The following PGAP1 variants were observed in gnomAD, a reference collection of about 807,000 sequenced individuals.
The protein encoded by PGAP1 is GPI inositol-deacylase.
In PGAP1, 76 loss-of-function variants were observed where a neutral mutation model predicts 127.0. The ratio of observed to expected loss-of-function variants is 0.60; its 90% CI spans 0.50 to 0.72. PGAP1 has a LOEUF of 0.72. PGAP1 is among the 30% of genes least tolerant of loss of function. The pLI is 0.00. For synonymous variants in PGAP1, 362 were observed against 366.5 expected, an observed-to-expected ratio of 0.99 and a Z score of 0.14; for missense variants, 982 against 1,071.3, an observed-to-expected ratio of 0.92 and a Z score of 1.16.
chr2:196,877,348 G>A (rs1001003687), intron 13 of PGAP1, among the ~76,000 whole-genome samples: 3 of 152,034 alleles, frequency 2.0e-5, no homozygotes, highest in African/African-American at 7.2e-5. Flanking sequence ...GCTATACATA[G>A]ACATGCAAAA....
intron 12 of PGAP1, among the ~76,000 whole-genome samples, chr2:196,882,275 A>C (rs1701758728): frequency 1.3e-5 from 2 of 152,074 alleles, no homozygotes; most frequent in African/African-American, 2.4e-5. Context: ...TTTGAAGTCA[A>C]GTAGTGTGAT....
chr2:196,850,332 T>G (rs1179693169), intron 20 of PGAP1, among the ~76,000 whole-genome samples: 1 of 152,226 alleles, frequency 6.6e-6, no homozygotes, highest in Non-Finnish European at 1.5e-5. Flanking sequence ...ACTGACACAG[T>G]TGATGCAGCT....
chr2:196,898,526 C>A lies in PGAP1; in HGVS notation c.808-157G>T, dbSNP rs17199109. On this transcript the variant is annotated intron_variant, in intron 5 of 26. Transcript: ENST00000354764. The stretch of plus-strand genomic sequence containing the variant: ...AAATGATATTCTTATAAAAGGTGAT[C>A]CAAATATATTAGAATTTTCTGTATA... 0.1 allele frequency among the ~76,000 whole-genome samples: 15,523 copies of A among 152,068 alleles called. 961 individuals are homozygous for A. The highest frequency in any genetic ancestry group is 0.17 in the African/African-American group (7,178 of 41,480).
chr2:196,872,915 A>G (rs113941608), intron 17 of PGAP1, 45 bp downstream of exon 17: 14 of 714,730 alleles, frequency 2.0e-5, no homozygotes, highest in Non-Finnish European at 3.5e-5. Flanking sequence ...AATATCTATT[A>G]TTCAAAAACA....
Position 196,902,599 on chromosome 2 carries a change from C to T in PGAP1, c.793G>A (p.Ala265Thr). 6.2e-7 allele frequency: 1 copy of T among 1,611,086 alleles called. No homozygotes were observed. Among genetic ancestry groups the T allele is most frequent in the South Asian group, 1.1e-5 (1 of 90,244 alleles). Reference sequence around the variant, plus strand: ...AAAAAGATTACCACAACAGATAAGGCACTGGTATGATGGCTTAATTTTGGT... The same window carrying T: ...AAAAAGATTACCACAACAGATAAGGTACTGGTATGATGGCTTAATTTTGGT... ...FLPKLSHHTS[A>T]LSVVSSAVPK... is the part of the protein sequence containing the mutation. Residue 265 changes from alanine (A) to threonine (T), a missense_variant, in exon 5 of 27, where the codon GCC becomes ACC. Coordinates refer to ENST00000354764, the MANE Select transcript of PGAP1 (RefSeq NM_024989.4).
intron 4 of PGAP1, among the ~76,000 whole-genome samples, chr2:196,905,550 C>A (rs1365405286): frequency 6.6e-6 from 1 of 152,176 alleles, no homozygotes; most frequent in South Asian, 2.1e-4. Flanking sequence ...TCTCACTTAA[C>A]TACAAACAAA....
intron 1 of PGAP1, among the ~76,000 whole-genome samples, chr2:196,924,940 CT>C (rs1334141594): frequency 1.3e-5 from 2 of 152,156 alleles, no homozygotes; most frequent in African/African-American, 4.8e-5. Context: ...TAACCAAACT[CT>C]TCAATGCGGT....
chr2:196,861,369 C>T (rs79423037), intron 20 of PGAP1, among the ~76,000 whole-genome samples: 1 of 152,056 alleles, frequency 6.6e-6, no homozygotes, highest in Admixed American at 6.6e-5. Flanking sequence ...CAACAAACAA[C>T]AAAGTGAAGA....
At chr2:196,912,452 C>T (rs1382083408) in intron 4 of PGAP1, among the ~76,000 whole-genome samples, 4 of 151,646 alleles carry the variant, frequency 2.6e-5, no homozygotes, top group African/African-American at 7.3e-5. Context: ...CTGGGCAATA[C>T]GGCAAAAATC....
At chr2:196,903,026 CA>C (rs1481559795) in intron 4 of PGAP1, among the ~76,000 whole-genome samples, 2 of 152,030 alleles carry the variant, frequency 1.3e-5, no homozygotes, top group African/African-American at 2.4e-5. Flanking sequence ...CACATTTCTA[CA>C]TTCCACAAGG....
At chr2:196,877,012 C>G (rs1369318132) in intron 13 of PGAP1, among the ~76,000 whole-genome samples, 1 of 151,856 alleles carries the variant, frequency 6.6e-6, no homozygotes, top group Non-Finnish European at 1.5e-5. Context: ...TTGGATAAGC[C>G]TATATCAGAC....
rs1293571974 is a variant in PGAP1, at chr2:196,892,778, T to A, written c.1033+362A>T. Among the ~76,000 whole-genome samples, 3 of 152,172 alleles carry A rather than the reference T, an allele frequency of 2.0e-5. No homozygotes were observed. In the East Asian group the frequency reaches 5.8e-4, roughly 29 times the overall value. On this transcript the variant is annotated intron_variant, in intron 8 of 26. Coordinates refer to ENST00000354764, the MANE Select transcript of PGAP1 (RefSeq NM_024989.4). ...TTATCAGCAAAAGATATGTTGGTAA[T>A]CCAAAAGAAGAATGAAGAATAACTG...
chr2:196,867,349 A>G (rs1456035889), intron 19 of PGAP1, among the ~76,000 whole-genome samples: 1 of 152,220 alleles, frequency 6.6e-6, no homozygotes, highest in East Asian at 1.9e-4. Flanking sequence ...GCTGGAAATC[A>G]TCATTCTCAG....
intron 3 of PGAP1, among the ~76,000 whole-genome samples, chr2:196,915,091 G>C (rs541635878): frequency 6.6e-6 from 1 of 152,254 alleles, no homozygotes; most frequent in Admixed American, 6.5e-5. Flanking sequence ...TGACACAGTT[G>C]ATAACTTACT....
In PGAP1 at chr2:196,839,658, A is replaced by C. The variant is rs539707372; in HGVS notation, c.*1576T>G. 2.0e-5 allele frequency: 3 copies of C among 152,390 alleles called. No homozygotes were observed. The highest frequency in any genetic ancestry group is 4.1e-4 in the South Asian group (2 of 4,826). 9.4% of individuals were successfully genotyped at this position (152,390 alleles called of 1,614,324 possible). A position where few individuals can be genotyped will look rare whatever the true frequency, so the allele number is the denominator to read the frequency against. On this transcript the variant is annotated 3_prime_UTR_variant, in exon 27 of 27. Coordinates refer to ENST00000354764, the MANE Select transcript of PGAP1 (RefSeq NM_024989.4). ...AGAGATGAGAGCAAGACTCCCTTCAACTGAGGCCAAAATAGCCAGGACCTG... is the reference window on the plus strand; with the variant it reads ...AGAGATGAGAGCAAGACTCCCTTCACCTGAGGCCAAAATAGCCAGGACCTG...
At chr2:196,847,265 G>C in intron 21 of PGAP1, 65 bp from the exon 22 acceptor site, 1 of 1,238,760 alleles carries the variant, frequency 8.1e-7, no homozygotes, top group Non-Finnish European at 1.2e-6. Context: ...CTTAATATTT[G>C]AGGTGTCTGA....
At chr2:196,876,646 A>G (rs1701579095) in intron 13 of PGAP1, among the ~76,000 whole-genome samples, 1 of 152,134 alleles carries the variant, frequency 6.6e-6, no homozygotes, top group Non-Finnish European at 1.5e-5. Flanking sequence ...TCTGATGCAT[A>G]ACTGTAGCTA....
At chr2:196,878,660 C>T (rs558204233) in intron 13 of PGAP1, among the ~76,000 whole-genome samples, 33 of 152,316 alleles carry the variant, frequency 2.2e-4, no homozygotes, top group Non-Finnish European at 4.6e-4. Flanking sequence ...AATCTTATGG[C>T]TTCCTACTGA....
intron 20 of PGAP1, among the ~76,000 whole-genome samples, chr2:196,852,942 T>C (rs1021155822): frequency 3.9e-5 from 6 of 152,224 alleles, no homozygotes; most frequent in Non-Finnish European, 7.3e-5. Flanking sequence ...CTGCATGTGA[T>C]CAAATTGGCT....
Sources: gnomAD v4.1 joint callset for allele counts (sites outside exome capture counted in the v4.1 genomes callset) on GRCh38, gnomAD v4.1.1 for gene constraint, MANE v1.5 for transcripts, NCBI Gene and HGNC (gene_info 2026-07-23, HGNC 2026-07-21) for gene names.